CALN1: variants seen among roughly 807,000 people sequenced by gnomAD.
CALN1 encodes the protein calcium-binding protein 8.
Under a neutral mutation model 30.6 loss-of-function variants are expected in CALN1, and 17 were observed. The observed-to-expected ratio is 0.56, with a 90% CI of 0.38 to 0.83. The LOEUF (loss-of-function observed/expected upper bound fraction) is 0.83. Among genes scored for constraint, CALN1 ranks in the 40% least tolerant of loss-of-function variants. The probability of loss-of-function intolerance (pLI) is 0.00; values close to 1 mark genes in which losing one functional copy is unlikely to be tolerated. For synonymous variants in CALN1, 156 were observed against 131.4 expected (o/e 1.19, Z -1.28); for missense variants, 291 against 354.9 (o/e 0.82, Z 1.45).
chr7:72,365,932 A>G (rs550049060), intron 2 of CALN1, among the ~76,000 whole-genome samples: 1 of 152,190 alleles, frequency 6.6e-6, no homozygotes, highest in Non-Finnish European at 1.5e-5. Context: ...GACAAGTATC[A>G]AAGTTTTAAA....
At chr7:71,960,135 AAATAAATAAAT>A (rs1284483772) in intron 5 of CALN1, among the ~76,000 whole-genome samples, 7 of 958 alleles carry the variant, frequency 7.3e-3, no homozygotes, top group African/African-American at 0.048. Flanking sequence ...TCCATCTCAA[AAATAAATAAAT>A]AAATAAATAA....
At chr7:71,905,338 A>G (rs531582925) in intron 5 of CALN1, among the ~76,000 whole-genome samples, 1 of 150,744 alleles carries the variant, frequency 6.6e-6, no homozygotes, top group East Asian at 1.9e-4. Flanking sequence ...CTGAGACTTC[A>G]GTGTACCCAT....
intron 2 of CALN1, among the ~76,000 whole-genome samples, chr7:72,295,763 G>C (rs1798811412): frequency 6.6e-6 from 1 of 151,432 alleles, no homozygotes; most frequent in South Asian, 2.1e-4. Flanking sequence ...GAGATTTTGG[G>C]CTGAGACAAT....
intron 5 of CALN1, among the ~76,000 whole-genome samples, chr7:71,867,897 T>G (rs113788777): frequency 6.6e-6 from 1 of 152,232 alleles, no homozygotes; most frequent in Admixed American, 6.5e-5. Context: ...CTTCTCTGAC[T>G]CAGTTCTTAC....
chr7:72,370,908 T>A (rs1309437860), intron 2 of CALN1, among the ~76,000 whole-genome samples: 1 of 151,548 alleles, frequency 6.6e-6, no homozygotes, highest in East Asian at 1.9e-4. Flanking sequence ...ATTAGCGGGT[T>A]GTGGTGGCAT....
chr7:72,438,821 C>T (rs551072597), intron 1 of CALN1, among the ~76,000 whole-genome samples: 90 of 152,300 alleles, frequency 5.9e-4, no homozygotes, highest in Non-Finnish European at 8.8e-4. Flanking sequence ...TGCCACTCTT[C>T]GCCTTAGCTT....
chr7:72,036,875 G>A (rs1801832042), intron 4 of CALN1, among the ~76,000 whole-genome samples: 2 of 151,436 alleles, frequency 1.3e-5, no homozygotes, highest in African/African-American at 4.9e-5. Flanking sequence ...CTGAAAACTG[G>A]ATATGTTAAT....
chr7:72,411,084 A>G (rs1807103982), intron 1 of CALN1, among the ~76,000 whole-genome samples: 2 of 151,366 alleles, frequency 1.3e-5, no homozygotes, highest in Admixed American at 1.3e-4. Context: ...TTAACAGGAC[A>G]TGTGTAGAAA....
intron 6 of CALN1, among the ~76,000 whole-genome samples, chr7:71,790,125 GAA>G (rs2115868233): frequency 1.6e-5 from 1 of 61,616 alleles, no homozygotes; most frequent in African/African-American, 6.4e-5. Context: ...AGAGAGAGAA[GAA>G]AGAAGAAAGA....
At chr7:72,145,712 A>G (rs2129543764) in intron 3 of CALN1, among the ~76,000 whole-genome samples, 1 of 152,352 alleles carries the variant, frequency 6.6e-6, no homozygotes, top group East Asian at 1.9e-4. Context: ...CATCGATGCA[A>G]AAATCCTCAA....
Position 71,784,766 on chromosome 7 carries a change from A to T in CALN1, c.*3009T>A. On this transcript the variant is annotated 3_prime_UTR_variant, in exon 7 of 7. Transcript: ENST00000395275. ...AGTCCGGAGGACAGAATGAGGGGTG[A>T]GCTATTCCCTCTCAATTCCTGCGGA... is the stretch of plus-strand genomic sequence containing the variant. 1 of 398,592 alleles carries T rather than the reference A, an allele frequency of 2.5e-6. No homozygotes were observed. The highest frequency in any genetic ancestry group is 4.4e-6 in the Non-Finnish European group (1 of 226,082). 24.7% of individuals were successfully genotyped at this position (398,592 alleles called of 1,614,324 possible). A position where few individuals can be genotyped will look rare whatever the true frequency, so the allele number is the denominator to read the frequency against.
At chr7:72,320,070 G>A (rs540083158) in intron 2 of CALN1, among the ~76,000 whole-genome samples, 1 of 152,032 alleles carries the variant, frequency 6.6e-6, no homozygotes, top group Non-Finnish European at 1.5e-5. Flanking sequence ...GCAGTGAGCT[G>A]AGATCGTGCC....
chr7:72,012,436 C>G (rs1800133394), intron 5 of CALN1, among the ~76,000 whole-genome samples: 1 of 152,166 alleles, frequency 6.6e-6, no homozygotes, highest in Admixed American at 6.5e-5. Flanking sequence ...TCACTTGACC[C>G]AGGAGGCGGA....
rs113367116 is a variant in CALN1 at position 71,798,496 on chromosome 7, A to G, written c.659-10594T>C. ...TTTTTTAAAAAACTTTTTGTAAAAT[A>G]GGTCTCACTATGCTGCCCAGGCTGG... is the stretch of plus-strand genomic sequence containing the variant. On this transcript the variant is annotated intron_variant, in intron 6 of 6. Transcript: ENST00000395275. 3.5e-3 allele frequency among the ~76,000 whole-genome samples: 527 copies of G among 152,092 alleles called. 5 individuals carry two copies. The highest frequency in any genetic ancestry group is 0.011 in the African/African-American group (463 of 41,506).
At chr7:71,851,199 C>T (rs1041643942) in intron 5 of CALN1, among the ~76,000 whole-genome samples, 1 of 121,438 alleles carries the variant, frequency 8.2e-6, no homozygotes, top group Non-Finnish European at 1.7e-5. Flanking sequence ...AGAGAGAGAC[C>T]TTGTCTCAAA....
At chr7:72,473,885 C>G in the CALN1 span, among the ~76,000 whole-genome samples, 1 of 149,092 alleles carries the variant, frequency 6.7e-6, no homozygotes, top group African/African-American at 2.5e-5. Flanking sequence ...GCCGAGATCA[C>G]ACCACTGCCC....
At chr7:72,214,115 C>T (rs1389677190) in intron 3 of CALN1, among the ~76,000 whole-genome samples, 1 of 152,208 alleles carries the variant, frequency 6.6e-6, no homozygotes, top group Non-Finnish European at 1.5e-5. Flanking sequence ...GAATGATGCA[C>T]AAACAGTTTG....
At chr7:72,276,439 G>A (rs2129553884) in intron 3 of CALN1, among the ~76,000 whole-genome samples, 1 of 152,314 alleles carries the variant, frequency 6.6e-6, no homozygotes, top group South Asian at 2.1e-4. Flanking sequence ...AAGAAGTGAG[G>A]TCTTTCAGGA....
chr7:72,293,451 G>T (rs1344888714), intron 2 of CALN1, among the ~76,000 whole-genome samples: 2 of 152,154 alleles, frequency 1.3e-5, no homozygotes, highest in African/African-American at 4.8e-5. Context: ...TCGAGATGGG[G>T]AAAAATACCC....
Sources: gnomAD v4.1 joint callset for allele counts (sites outside exome capture counted in the v4.1 genomes callset) on GRCh38, gnomAD v4.1.1 for gene constraint, MANE v1.5 for transcripts, NCBI Gene and HGNC (gene_info 2026-07-23, HGNC 2026-07-21) for gene names.